Variants in IL1RAPL2 observed in about 807,000 individuals in gnomAD.
IL1RAPL2 encodes the protein interleukin 1 receptor accessory protein like 2, also known as X-linked interleukin-1 receptor accessory protein-like 2.
In IL1RAPL2, 3 loss-of-function variants were observed where a neutral mutation model predicts 44.1. That is an observed-to-expected ratio of 0.07 (90% CI 0.03 to 0.18). The LOEUF is 0.18. IL1RAPL2 is among the 10% of genes least tolerant of loss of function. The pLI is 1.00. For synonymous variants in IL1RAPL2, 181 were observed against 178.8 expected (o/e 1.01, Z -0.10); for missense variants, 391 against 496.4 (o/e 0.79, Z 2.02).
chrX:105,144,855 T>C (rs2033164997), intron 2 of IL1RAPL2, among the ~76,000 whole-genome samples: 1 of 111,185 alleles, frequency 9.0e-6, no homozygotes, highest in South Asian at 3.8e-4. Flanking sequence ...AGGGATTCTT[T>C]CACTGAGTAT....
intron 7 of IL1RAPL2, among the ~76,000 whole-genome samples, chrX:105,724,349 AT>A (rs1335637821): frequency 9.0e-6 from 1 of 110,858 alleles, no homozygotes; most frequent in Non-Finnish European, 1.9e-5. Context: ...CCTGTCTAAC[AT>A]TTTGGAGTTC....
At chrX:104,993,894 G>T (rs766775856) in intron 2 of IL1RAPL2, among the ~76,000 whole-genome samples, 10 of 111,874 alleles carry the variant, frequency 8.9e-5, no homozygotes, top group Non-Finnish European at 1.9e-4. Context: ...CTGTATTACA[G>T]TTTATTTTTA....
chrX:104,675,965 C>T (rs1930742813), intron 2 of IL1RAPL2, among the ~76,000 whole-genome samples: 1 of 104,755 alleles, frequency 9.5e-6, no homozygotes, highest in South Asian at 4.3e-4. Context: ...GATCTTCCTC[C>T]ATCCTTTTAT....
At chrX:105,146,576 A>G (rs1187612930) in intron 2 of IL1RAPL2, among the ~76,000 whole-genome samples, 1 of 111,700 alleles carries the variant, frequency 9.0e-6, no homozygotes, top group Non-Finnish European at 1.9e-5. Flanking sequence ...TATAATCCAC[A>G]TACCATGCAG....
chrX:104,882,243 T>C (rs1306596639), intron 2 of IL1RAPL2, among the ~76,000 whole-genome samples: 1 of 112,358 alleles, frequency 8.9e-6, no homozygotes, highest in Non-Finnish European at 1.9e-5. Flanking sequence ...TAAAGCCTTT[T>C]AAGAAGAATT....
chrX:104,860,613 A>G (rs1293008803), intron 2 of IL1RAPL2, among the ~76,000 whole-genome samples: 5 of 110,977 alleles, frequency 4.5e-5, no homozygotes, highest in Admixed American at 3.9e-4. Context: ...ATTTGTATAT[A>G]CATAACCAGT....
chrX:105,164,549 G>C (rs2033355348), intron 2 of IL1RAPL2, among the ~76,000 whole-genome samples: 1 of 112,239 alleles, frequency 8.9e-6, no homozygotes, highest in East Asian at 2.8e-4. Flanking sequence ...TAAGCAAAAG[G>C]AACAGGGCAA....
chrX:105,020,987 GT>G (rs1378272823), intron 2 of IL1RAPL2, among the ~76,000 whole-genome samples: 1 of 111,927 alleles, frequency 8.9e-6, no homozygotes, highest in East Asian at 2.8e-4. Flanking sequence ...TATTTGAACA[GT>G]GTCAGCAGGT....
At chrX:105,462,094 G>A (rs763254961) in intron 5 of IL1RAPL2, among the ~76,000 whole-genome samples, 6 of 110,765 alleles carry the variant, frequency 5.4e-5, no homozygotes, top group South Asian at 3.8e-4. Context: ...TTCATACTGC[G>A]TCATTAATTC....
At chrX:104,764,479 G>A (rs1932521555) in intron 2 of IL1RAPL2, among the ~76,000 whole-genome samples, 1 of 111,715 alleles carries the variant, frequency 9.0e-6, no homozygotes, top group Admixed American at 9.5e-5. Flanking sequence ...TTTTCCAAAT[G>A]TAAGATGATA....
intron 1 of IL1RAPL2, among the ~76,000 whole-genome samples, chrX:104,640,906 G>A (rs1246571299): frequency 1.8e-5 from 2 of 112,369 alleles, no homozygotes. Context: ...AAGTATGCCT[G>A]TCCTTGGGCC....
chrX:105,269,809 A>G (rs779721968), intron 5 of IL1RAPL2, among the ~76,000 whole-genome samples: 1 of 111,984 alleles, frequency 8.9e-6, no homozygotes, highest in African/African-American at 3.2e-5. Flanking sequence ...TTGTAACATT[A>G]TAGTATTTGG....
intron 2 of IL1RAPL2, among the ~76,000 whole-genome samples, chrX:105,036,287 A>G (rs1312708850): frequency 2.7e-5 from 3 of 112,133 alleles, no homozygotes; most frequent in Non-Finnish European, 3.8e-5. Context: ...TTAAGATTTT[A>G]GAAATGAGAA....
intron 2 of IL1RAPL2, among the ~76,000 whole-genome samples, chrX:104,878,157 G>A (rs896394918): frequency 2.7e-5 from 3 of 111,497 alleles, no homozygotes; most frequent in African/African-American, 6.5e-5. Context: ...CATGGACCCC[G>A]GCACATTGGA....
At chrX:105,307,200 A>G (rs920343757) in intron 5 of IL1RAPL2, among the ~76,000 whole-genome samples, 6 of 106,597 alleles carry the variant, frequency 5.6e-5, no homozygotes, top group South Asian at 4.1e-4. Flanking sequence ...ACAATTGTCA[A>G]TGAGATTTGG....
chrX:105,746,323 G>T (rs1452953846), intron 8 of IL1RAPL2, among the ~76,000 whole-genome samples: 1 of 112,543 alleles, frequency 8.9e-6, no homozygotes, highest in Admixed American at 9.4e-5. Flanking sequence ...AGCTCTCTTT[G>T]TGAAGCATAT....
intron 2 of IL1RAPL2, among the ~76,000 whole-genome samples, chrX:105,120,836 G>C (rs1358904020): frequency 8.9e-6 from 1 of 112,123 alleles, no homozygotes; most frequent in Non-Finnish European, 1.9e-5. Context: ...AATTAGATCA[G>C]TAGCTCTCAC....
At chrX:105,668,289 T>C (rs1319824005) in intron 6 of IL1RAPL2, among the ~76,000 whole-genome samples, 1 of 112,660 alleles carries the variant, frequency 8.9e-6, no homozygotes, top group Non-Finnish European at 1.9e-5. Flanking sequence ...CAGTCATAGC[T>C]ATGGTTAATC....
At chrX:104,988,657 C>G (rs1347585999) in intron 2 of IL1RAPL2, among the ~76,000 whole-genome samples, 1 of 111,958 alleles carries the variant, frequency 8.9e-6, no homozygotes, top group Non-Finnish European at 1.9e-5. Flanking sequence ...TTTTATTGTG[C>G]TTTTATTGAA....
Sources: allele counts gnomAD v4.1 joint callset (sites outside exome capture counted in the v4.1 genomes callset), GRCh38; gene constraint gnomAD v4.1.1; transcripts MANE v1.5; gene names NCBI Gene and HGNC (gene_info 2026-07-23, HGNC 2026-07-21).